The following ISOC1 variants were observed in gnomAD, a reference collection of about 807,000 sequenced individuals.
ISOC1 encodes isochorismatase domain-containing protein 1.
ISOC1 carries 33 observed loss-of-function variants against 30.0 expected under a neutral mutation model. The ratio of observed to expected loss-of-function variants is 1.10; its 90% CI spans 0.83 to 1.47. ISOC1 has a LOEUF of 1.47. Ranked by LOEUF, ISOC1 falls within the 40% of genes most tolerant of loss-of-function variation. The pLI is 0.00. For synonymous variants in ISOC1, 178 were observed against 159.8 expected, an observed-to-expected ratio of 1.11 and a Z score of -0.86; for missense variants, 372 against 388.0, an observed-to-expected ratio of 0.96 and a Z score of 0.35.
chr5:129,108,067 T>C (rs1753659940), intron 4 of ISOC1, among the ~76,000 whole-genome samples: 1 of 152,188 alleles, frequency 6.6e-6, no homozygotes, highest in South Asian at 2.1e-4. Flanking sequence ...AATTGCTGAG[T>C]TCTTTAACTG....
chr5:129,101,019 T>TTTGTTTG (rs1561421668), intron 1 of ISOC1, among the ~76,000 whole-genome samples: 10 of 144,552 alleles, frequency 6.9e-5, no homozygotes, highest in South Asian at 2.2e-4. Flanking sequence ...TCCCTATTGT[T>TTTGTTTG]TTTGTTTGTT....
chr5:129,095,652 A>AT (rs1188880121), intron 1 of ISOC1, among the ~76,000 whole-genome samples: 2 of 152,188 alleles, frequency 1.3e-5, no homozygotes, highest in Non-Finnish European at 2.9e-5. Flanking sequence ...TCCTCTTAGT[A>AT]AAGTGTCTAC....
rs3734161 is a variant in ISOC1 at position 129,106,951 on chromosome 5, T to A, written c.639T>A (p.His213Gln). 1 of 1,611,788 alleles carries A rather than the reference T, an allele frequency of 6.2e-7. No individual in the cohort carries two copies. Among genetic ancestry groups the A allele is most frequent in the South Asian group, 1.1e-5 (1 of 91,034 alleles). Residue 213 changes from histidine to glutamine, a missense_variant, in exon 4 of 5, where the codon CAT becomes CAA. His to Gln is a conservative substitution (Grantham distance 24, BLOSUM62 0). Transcript: ENST00000173527. ...TTCTTGTACTTTCCTACTAGACTCA[T>A]GTGTGCATCCAACAAACTGCCCTGG... Reference protein sequence around the residue: ...RSVVLFGVETHVCIQQTALEL... With the variant: ...RSVVLFGVETQVCIQQTALEL...
rs1030478502 is a variant in ISOC1 at position 129,113,224 on chromosome 5, T to C, written c.*223T>C. 24 of 400,072 alleles carry C rather than the reference T, an allele frequency of 6.0e-5. No homozygotes were observed. The highest frequency in any genetic ancestry group is 3.1e-5 in the Non-Finnish European group (7 of 225,254). 24.8% of individuals were successfully genotyped at this position (400,072 alleles called of 1,614,324 possible). ...CGGTGCTGCTTACCTTCCTTTTTTG[T>C]TAATGTGCTTTTATTTATTAAAAAA... On this transcript the variant is annotated 3_prime_UTR_variant, in exon 5 of 5. Coordinates refer to ENST00000173527, the MANE Select transcript of ISOC1 (RefSeq NM_016048.2).
In ISOC1 at chr5:129,105,166, TTTGG is replaced by T. The variant is rs1298658058; in HGVS notation, c.430-16_430-13del. 1 of 1,612,950 alleles carries T rather than the reference TTTGG, an allele frequency of 6.2e-7. No homozygotes were observed. Among genetic ancestry groups the T allele is most frequent in the Non-Finnish European group, 8.5e-7 (1 of 1,179,580 alleles). ...ATGTATATAGCTAATTGTTTTTGTG[TTTGG>T]TTATTTTTTTTCAGTTGCAAGGGGC... On this transcript the variant is annotated splice_polypyrimidine_tract_variant and intron_variant, in intron 2 of 4. Transcript: ENST00000173527.
In ISOC1 at chr5:129,112,968, T is replaced by C. The variant is rs1304042533; in HGVS notation, c.864T>C (p.Ser288=). 3 of 1,613,496 alleles carry C rather than the reference T, an allele frequency of 1.9e-6. No homozygotes were observed. The highest frequency in any genetic ancestry group is 1.3e-5 in the African/African-American group (1 of 74,874). Residue 288 remains serine, a synonymous_variant, in exon 5 of 5, where the codon AGT becomes AGC. Coordinates refer to ENST00000173527, the MANE Select transcript of ISOC1 (RefSeq NM_016048.2). Reference sequence around the variant, plus strand: ...AAATTCAGAATCTAATTAAGGCGAGTGCTCCAGAGTCGGGTCTGCTTTCCA... The same window carrying C: ...AAATTCAGAATCTAATTAAGGCGAGCGCTCCAGAGTCGGGTCTGCTTTCCA... ...FKEIQNLIKA[S]APESGLLSKV
rs1306248797 is a variant in ISOC1 at position 129,104,689 on chromosome 5, TG to T, written c.310-266del. 8.5e-5 allele frequency among the ~76,000 whole-genome samples: 13 copies of T among 152,278 alleles called. No homozygotes were observed. The East Asian group carries it at 2.5e-3, about 29-fold the overall frequency. Reference sequence around the variant, plus strand: ...TTTTTTAATTGGCTAAAAAATGTTTTGTCATGTGAATGTGTTAAAATGTGTT... The same window carrying T: ...TTTTTTAATTGGCTAAAAAATGTTTTTCATGTGAATGTGTTAAAATGTGTT... On this transcript the variant is annotated intron_variant, in intron 1 of 4. Transcript: ENST00000173527.
Position 129,095,087 on chromosome 5 carries a change from G to A in ISOC1, c.309+12G>A. 6.5e-7 allele frequency: 1 copy of A among 1,536,512 alleles called. No homozygotes were observed. Among genetic ancestry groups the A allele is most frequent in the Non-Finnish European group, 8.7e-7 (1 of 1,146,486 alleles). On this transcript the variant is annotated intron_variant, in intron 1 of 4. Transcript: ENST00000173527. ...CGTTGCAGATCCAGGTGGGTCCTGCGGGAGGCCGCGCGCTTCCCTGTTCCC... is the reference window on the plus strand; with the variant it reads ...CGTTGCAGATCCAGGTGGGTCCTGCAGGAGGCCGCGCGCTTCCCTGTTCCC...
intron 4 of ISOC1, among the ~76,000 whole-genome samples, chr5:129,107,280 C>T (rs531698268): frequency 6.2e-4 from 95 of 152,262 alleles, no homozygotes; most frequent in Non-Finnish European, 9.1e-4. Context: ...AGGTTTCTAG[C>T]GTTGCCACAA....
At chr5:129,101,798 G>GT (rs955236724) in intron 1 of ISOC1, among the ~76,000 whole-genome samples, 1 of 152,144 alleles carries the variant, frequency 6.6e-6, no homozygotes. Context: ...ATTACATTTT[G>GT]TTGTCTTGTC....
chr5:129,102,504 C>T (rs1380766020), intron 1 of ISOC1, among the ~76,000 whole-genome samples: 1 of 152,110 alleles, frequency 6.6e-6, no homozygotes, highest in Non-Finnish European at 1.5e-5. Flanking sequence ...AACTGGAGAC[C>T]ACAACTCTGG....
intron 4 of ISOC1, among the ~76,000 whole-genome samples, chr5:129,112,167 G>C (rs967599619): frequency 6.6e-6 from 1 of 152,162 alleles, no homozygotes; most frequent in Non-Finnish European, 1.5e-5. Flanking sequence ...CTAATGTAAT[G>C]TTCTAGCAGC....
In ISOC1 at chr5:129,112,986, G is replaced by C; in HGVS notation, c.882G>C (p.Leu294=). 3 of 1,612,788 alleles carry C rather than the reference G, an allele frequency of 1.9e-6. No individual in the cohort carries two copies. The highest frequency in any genetic ancestry group is 2.5e-6 in the Non-Finnish European group (3 of 1,179,290). The change falls in exon 5 of 5, where the codon CTG becomes CTC. Residue 294 remains leucine (L), a synonymous_variant. Coordinates refer to ENST00000173527, the MANE Select transcript of ISOC1 (RefSeq NM_016048.2). The part of the protein sequence containing the change: ...LIKASAPESG[L]LSKV ...AGGCGAGTGCTCCAGAGTCGGGTCT[G>C]CTTTCCAAAGTATAGGACATTTGAA... is the stretch of plus-strand genomic sequence containing the variant.
chr5:129,101,721 T>C (rs1753574366), intron 1 of ISOC1, among the ~76,000 whole-genome samples: 1 of 152,120 alleles, frequency 6.6e-6, no homozygotes, highest in South Asian at 2.1e-4. Context: ...AAACCACACT[T>C]TATTCATATT....
intron 1 of ISOC1, among the ~76,000 whole-genome samples, chr5:129,099,832 C>T (rs2150170388): frequency 6.6e-6 from 1 of 152,222 alleles, no homozygotes; most frequent in South Asian, 2.1e-4. Flanking sequence ...CCATTTAATC[C>T]TTGAAATACC....
intron 4 of ISOC1, among the ~76,000 whole-genome samples, chr5:129,107,315 G>A (rs536278005): frequency 2.0e-5 from 3 of 151,996 alleles, no homozygotes; most frequent in South Asian, 2.1e-4. Flanking sequence ...TTCGTCATAC[G>A]TTTGCCCTAG....
At chr5:129,101,192 A>AAAAAATATATATATAT (rs1554064627) in intron 1 of ISOC1, among the ~76,000 whole-genome samples, 2 of 42,228 alleles carry the variant, frequency 4.7e-5, no homozygotes, top group Non-Finnish European at 3.6e-5. Context: ...AAAAAAAAAA[A>AAAAAATATATATATAT]ATATATATAT....
intron 1 of ISOC1, among the ~76,000 whole-genome samples, chr5:129,099,511 C>T (rs2150170331): frequency 6.6e-6 from 1 of 152,202 alleles, no homozygotes; most frequent in South Asian, 2.1e-4. Context: ...TTAAAAAGTC[C>T]CTGATCTGTT....
chr5:129,111,310 A>C (rs528793284), intron 4 of ISOC1, among the ~76,000 whole-genome samples: 43 of 151,890 alleles, frequency 2.8e-4, no homozygotes, highest in African/African-American at 1.0e-3. Flanking sequence ...AAATTGCTGC[A>C]AAGTTCTGGT....
Sources: gnomAD v4.1 joint callset for allele counts (sites outside exome capture counted in the v4.1 genomes callset) on GRCh38, gnomAD v4.1.1 for gene constraint, MANE v1.5 for transcripts, NCBI Gene and HGNC (gene_info 2026-07-23, HGNC 2026-07-21) for gene names.